The following MRPL13 variants were observed in gnomAD, a reference collection of about 807,000 sequenced individuals.
The protein encoded by MRPL13 is mitochondrial ribosomal protein L13, also known as large ribosomal subunit protein uL13m.
Under a neutral mutation model 29.0 loss-of-function variants are expected in MRPL13, and 33 were observed. That is an observed-to-expected ratio of 1.14 (90% CI 0.86 to 1.52). MRPL13 has a LOEUF of 1.52. MRPL13 is among the 40% of genes most tolerant of loss of function. MRPL13 has a pLI of 0.00. For synonymous variants in MRPL13, 77 were observed against 68.4 expected (o/e 1.13, Z -0.62); for missense variants, 227 against 216.7 (o/e 1.05, Z -0.30).
chr8:120,440,350 G>T (rs933549134), intron 2 of MRPL13, among the ~76,000 whole-genome samples: 2 of 152,154 alleles, frequency 1.3e-5, no homozygotes, highest in Non-Finnish European at 2.9e-5. Context: ...GGTGGCTCAC[G>T]CCTGTAAGCA....
chr8:120,443,398 T>C (rs1252881014), intron 1 of MRPL13, 90 bp from the exon 2 acceptor site: 4 of 1,149,810 alleles, frequency 3.5e-6, no homozygotes, highest in Non-Finnish European at 4.6e-6. Context: ...TATTATCATA[T>C]ATCATCACGT....
rs1390411886 is a variant in MRPL13 at position 120,398,181 on chromosome 8, C to T, written c.516-2056G>A. On this transcript the variant is annotated intron_variant, in intron 6 of 6. Transcript: ENST00000306185. ...TAAGCAGGTCCCTGATCCTGTCTCTCCTGACTGGGTGAGACCTCCCAACAG... is the reference window on the plus strand; with the variant it reads ...TAAGCAGGTCCCTGATCCTGTCTCTTCTGACTGGGTGAGACCTCCCAACAG... 3.3e-5 allele frequency among the ~76,000 whole-genome samples: 5 copies of T among 152,190 alleles called. No individual in the cohort carries two copies. The East Asian group carries it at 9.7e-4, about 29-fold the overall frequency.
chr8:120,402,470 C>A (rs1299700381), intron 6 of MRPL13, among the ~76,000 whole-genome samples: 5 of 152,126 alleles, frequency 3.3e-5, no homozygotes, highest in South Asian at 2.1e-4. Flanking sequence ...GAAACTGGAC[C>A]CCTTCCTTAC....
intron 6 of MRPL13, 56 bp downstream of exon 6, chr8:120,413,935 T>C: frequency 7.0e-7 from 1 of 1,436,446 alleles, no homozygotes; most frequent in Non-Finnish European, 9.1e-7. Flanking sequence ...AATCATATGG[T>C]TGAGGAAACA....
At chr8:120,400,190 C>T (rs1812575254) in intron 6 of MRPL13, among the ~76,000 whole-genome samples, 1 of 152,208 alleles carries the variant, frequency 6.6e-6, no homozygotes, top group Non-Finnish European at 1.5e-5. Flanking sequence ...ACATTCTTCT[C>T]ATTGCCACAT....
chr8:120,397,192 C>G (rs2130445784), intron 6 of MRPL13, among the ~76,000 whole-genome samples: 1 of 150,020 alleles, frequency 6.7e-6, no homozygotes, highest in East Asian at 2.0e-4. Flanking sequence ...GCCCACACCA[C>G]CAGGGCCTTG....
chr8:120,438,592 AT>A (rs1468690621), intron 2 of MRPL13, among the ~76,000 whole-genome samples: 1 of 152,206 alleles, frequency 6.6e-6, no homozygotes, highest in East Asian at 1.9e-4. Flanking sequence ...CAAATTTTGT[AT>A]TATTTGCATT....
rs372433164 is a variant in MRPL13, at chr8:120,418,296, G to A, written c.393+1556C>T. Among the ~76,000 whole-genome samples, 123 of 151,958 alleles carry A rather than the reference G, an allele frequency of 8.1e-4. 1 individual carries two copies. Among genetic ancestry groups the A allele is most frequent in the African/African-American group, 2.8e-3 (116 of 41,502 alleles). Reference sequence around the variant, plus strand: ...TATTTCCTATGAATAAGCATTATTTGTTTTTCTTATTGTACCATTATTGAA... The same window carrying A: ...TATTTCCTATGAATAAGCATTATTTATTTTTCTTATTGTACCATTATTGAA... On this transcript the variant is annotated intron_variant, in intron 5 of 6. Coordinates refer to ENST00000306185, the MANE Select transcript of MRPL13 (RefSeq NM_014078.6).
At chr8:120,423,254 T>A (rs937773117) in intron 4 of MRPL13, among the ~76,000 whole-genome samples, 2 of 149,992 alleles carry the variant, frequency 1.3e-5, no homozygotes, top group African/African-American at 2.4e-5. Context: ...CAGTGAGACA[T>A]GAAGTATGAA....
chr8:120,440,839 G>A (rs375573561), intron 2 of MRPL13, among the ~76,000 whole-genome samples: 1 of 151,946 alleles, frequency 6.6e-6, no homozygotes, highest in East Asian at 1.9e-4. Context: ...GTTGATCTAC[G>A]GAGAAAGAAT....
Position 120,432,071 on chromosome 8 carries a change from A to C in MRPL13, c.204T>G (p.Ser68=). 6.2e-7 allele frequency: 1 copy of C among 1,609,976 alleles called. No homozygotes were observed. Among genetic ancestry groups the C allele is most frequent in the Non-Finnish European group, 8.5e-7 (1 of 1,178,018 alleles). The change falls in exon 3 of 7, where the codon TCT becomes TCG. Residue 68 remains serine, a synonymous_variant. Coordinates refer to ENST00000306185, the MANE Select transcript of MRPL13 (RefSeq NM_014078.6). The part of the protein sequence containing the change: ...VIMNTRHIAF[S]GNKWEQKVYS... ...ATACTTTTTGTTCCCATTTGTTTCCAGAAAATGCAATGTGTCTTGTGTTCA... is the reference window on the plus strand; with the variant it reads ...ATACTTTTTGTTCCCATTTGTTTCCCGAAAATGCAATGTGTCTTGTGTTCA...
intron 2 of MRPL13, among the ~76,000 whole-genome samples, chr8:120,432,832 T>A (rs1055033947): frequency 1.3e-5 from 2 of 152,012 alleles, no homozygotes; most frequent in Non-Finnish European, 2.9e-5. Flanking sequence ...ACATGTACAT[T>A]TTCAAATAAC....
At chr8:120,427,791 C>G (rs1374004047) in intron 3 of MRPL13, among the ~76,000 whole-genome samples, 1 of 151,712 alleles carries the variant, frequency 6.6e-6, no homozygotes, top group Non-Finnish European at 1.5e-5. Context: ...CAGTGAGCCC[C>G]CATCTCAAAA....
At chr8:120,407,673 C>CAAAAT (rs1240483925) in intron 6 of MRPL13, among the ~76,000 whole-genome samples, 3 of 151,476 alleles carry the variant, frequency 2.0e-5, no homozygotes, top group African/African-American at 7.3e-5. Flanking sequence ...CAAAACAAAA[C>CAAAAT]AAAACAAAAC....
At position 120,400,733 on chromosome 8, in the gene MRPL13, TAAATAAATAAAA is replaced by T. The variant is rs879346775; in HGVS notation, c.516-4620_516-4609del. The stretch of plus-strand genomic sequence containing the variant: ...ATAAATAAATAAATAAATAAATAAA[TAAATAAATAAAA>T]AAAATAGACTGCTAGTTAGACTAAT... On this transcript the variant is annotated intron_variant, in intron 6 of 6. Coordinates refer to ENST00000306185, the MANE Select transcript of MRPL13 (RefSeq NM_014078.6). Among the ~76,000 whole-genome samples the T allele has an allele frequency of 5.7e-3, 774 of 136,840 alleles. 5 individuals carry two copies. Among genetic ancestry groups the T allele is most frequent in the African/African-American group, 0.014 (460 of 32,560 alleles). The allele number at this position is 136,840 out of a possible 152,430, so 89.8% of individuals were successfully genotyped here.
intron 2 of MRPL13, among the ~76,000 whole-genome samples, chr8:120,435,517 T>C (rs945815081): frequency 6.6e-5 from 10 of 152,158 alleles, no homozygotes; most frequent in South Asian, 6.2e-4. Flanking sequence ...GCTCCACCCA[T>C]GTTGCTGCAA....
chr8:120,432,034 T>C lies in MRPL13; in HGVS notation c.241A>G (p.Thr81Ala), dbSNP rs2130479614. ...CTGACAACAGCATTATCTTACCCAGTATGCGAAGAGTATACTTTTTGTTCC... is the reference window on the plus strand; with the variant it reads ...CTGACAACAGCATTATCTTACCCAGCATGCGAAGAGTATACTTTTTGTTCC... Reference protein sequence around the residue: ...KWEQKVYSSHTGYPGGFRQVT... With the variant: ...KWEQKVYSSHAGYPGGFRQVT... Residue 81 changes from threonine (T) to alanine (A), a missense_variant, in exon 3 of 7, where the codon ACT becomes GCT. Thr to Ala is a moderately conservative substitution (Grantham distance 58). Coordinates refer to ENST00000306185, the MANE Select transcript of MRPL13 (RefSeq NM_014078.6). 6.3e-7 allele frequency: 1 copy of C among 1,597,312 alleles called. No homozygotes were observed. Among genetic ancestry groups the C allele is most frequent in the Non-Finnish European group, 8.5e-7 (1 of 1,170,802 alleles).
In MRPL13 at chr8:120,411,276, C is replaced by G. The variant is rs190500112; in HGVS notation, c.515+2715G>C. Reference sequence around the variant, plus strand: ...AGAGACAGGGTCTTGCCATCTTGCCCAGGCCGGTCTTGAACTCCTGAACTC... The same window carrying G: ...AGAGACAGGGTCTTGCCATCTTGCCGAGGCCGGTCTTGAACTCCTGAACTC... On this transcript the variant is annotated intron_variant, in intron 6 of 6. Transcript: ENST00000306185. 9.1e-3 allele frequency among the ~76,000 whole-genome samples: 1,379 copies of G among 152,148 alleles called. 26 individuals are homozygous for G. The highest frequency in any genetic ancestry group is 0.032 in the African/African-American group (1,314 of 41,484).
chr8:120,422,379 A>C (rs913302579), intron 4 of MRPL13, among the ~76,000 whole-genome samples: 1 of 151,558 alleles, frequency 6.6e-6, no homozygotes, highest in East Asian at 1.9e-4. Flanking sequence ...TAGGTCTATC[A>C]ATAGCTAAAA....
Sources: gnomAD v4.1 joint callset for allele counts (sites outside exome capture counted in the v4.1 genomes callset) on GRCh38, gnomAD v4.1.1 for gene constraint, MANE v1.5 for transcripts, NCBI Gene and HGNC (gene_info 2026-07-23, HGNC 2026-07-21) for gene names.